MATR3: variants seen among roughly 807,000 people sequenced by gnomAD.
The protein encoded by MATR3 is matrin 3.
MATR3 carries 4 observed loss-of-function variants against 85.5 expected under a neutral mutation model. That is an observed-to-expected ratio of 0.05 (90% CI 0.02 to 0.11). The LOEUF is 0.11. Ranked by LOEUF, MATR3 falls within the 10% of genes least tolerant of loss-of-function variation. The pLI is 1.00. For synonymous variants in MATR3, 336 were observed against 343.1 expected (o/e 0.98, Z 0.23); for missense variants, 685 against 1,016.1 (o/e 0.67, Z 4.43).
chr5:139,310,425 C>A (rs567188289), intron 2 of MATR3: 4 of 152,228 alleles, frequency 2.6e-5, no homozygotes, highest in Admixed American at 2.0e-4. Flanking sequence ...TTTCTAGTTG[C>A]TTTACTATGT....
At chr5:139,277,905 T>G (rs1753352474) in intron 2 of MATR3, among the ~76,000 whole-genome samples, 1 of 152,002 alleles carries the variant, frequency 6.6e-6, no homozygotes, top group Admixed American at 6.6e-5. Context: ...TATTTTGTTG[T>G]GGTGAAAACA....
At chr5:139,301,539 T>C (rs899880016) in intron 1 of MATR3, among the ~76,000 whole-genome samples, 9 of 152,140 alleles carry the variant, frequency 5.9e-5, no homozygotes, top group Non-Finnish European at 1.3e-4. Context: ...CAGGCTGGTC[T>C]CGGACTCCTG....
chr5:139,319,859 G>C (rs961510510), intron 9 of MATR3, among the ~76,000 whole-genome samples: 3 of 26,282 alleles, frequency 1.1e-4, no homozygotes, highest in African/African-American at 4.4e-4. Flanking sequence ...AAAAAAATTT[G>C]CTTTTTTTTT....
intron 14 of MATR3, among the ~76,000 whole-genome samples, chr5:139,327,705 G>A (rs1755929329): frequency 6.6e-6 from 1 of 152,130 alleles, no homozygotes; most frequent in Non-Finnish European, 1.5e-5. Flanking sequence ...ACAGGCCTGA[G>A]CCATAGTGCC....
At chr5:139,328,439 G>T (rs7714038) in intron 14 of MATR3, among the ~76,000 whole-genome samples, 1 of 152,084 alleles carries the variant, frequency 6.6e-6, no homozygotes, top group African/African-American at 2.4e-5. Context: ...ACTTTCATTA[G>T]TGTCTTAATG....
At chr5:139,324,407 C>T (rs2152017579) in intron 12 of MATR3, among the ~76,000 whole-genome samples, 1 of 151,052 alleles carries the variant, frequency 6.6e-6, no homozygotes, top group South Asian at 2.1e-4. Flanking sequence ...TCTGCTGCCT[C>T]AGCCTCCCAA....
At chr5:139,282,477 A>AT (rs1561919815) in intron 3 of MATR3, among the ~76,000 whole-genome samples, 1 of 152,166 alleles carries the variant, frequency 6.6e-6, no homozygotes, top group Non-Finnish European at 1.5e-5. Flanking sequence ...CTTAAGGGTG[A>AT]TATACTCATT....
At chr5:139,280,813 A>G (rs1455896758) in intron 3 of MATR3, 6 of 146,302 alleles carry the variant, frequency 4.1e-5, no homozygotes, top group Non-Finnish European at 7.5e-5. Flanking sequence ...ACGTTCCTAT[A>G]TTGCTACTTG....
intron 14 of MATR3, among the ~76,000 whole-genome samples, chr5:139,326,854 G>A (rs927630695): frequency 2.6e-5 from 4 of 152,274 alleles, no homozygotes; most frequent in Middle Eastern, 3.4e-3. Context: ...ACTTATTCAA[G>A]TATTCTCAGA....
upstream of MATR3, among the ~76,000 whole-genome samples, chr5:139,289,741 C>A (rs375932324): frequency 7.9e-5 from 12 of 152,318 alleles, no homozygotes; most frequent in East Asian, 2.1e-3. Flanking sequence ...GTGCTGAAGT[C>A]CCTCACGTAG....
At chr5:139,280,236 A>G (rs1753465379) in intron 3 of MATR3, among the ~76,000 whole-genome samples, 1 of 152,246 alleles carries the variant, frequency 6.6e-6, no homozygotes, top group Admixed American at 6.5e-5. Flanking sequence ...ATTGTTTTCA[A>G]TGATTTACAA....
intron 3 of MATR3, 148 bp downstream of exon 3, chr5:139,314,884 A>G (rs1755164287): frequency 1.4e-6 from 1 of 706,992 alleles, no homozygotes; most frequent in Admixed American, 2.2e-5. Flanking sequence ...TACAAGTAAA[A>G]TGTTTAGATC....
Position 139,311,750 on chromosome 5 carries a change from C to CTTTTTTTTTTTTTTTTTTT in MATR3, c.913-2908_913-2890dup, listed in dbSNP as rs552172719. ...TTAATTGGTATTTGTTTAATTAATC[C>CTTTTTTTTTTTTTTTTTTT]TTTTTTTTTTTTTTTTTTTTTTTTT... On this transcript the variant is annotated intron_variant, in intron 2 of 14. Coordinates refer to ENST00000394805, the MANE Select transcript of MATR3 (RefSeq NM_018834.6). 10 of 65,234 alleles carry CTTTTTTTTTTTTTTTTTTT rather than the reference C, an allele frequency of 1.5e-4. 1 individual carries two copies. The highest frequency in any genetic ancestry group is 2.6e-4 in the African/African-American group (4 of 15,360). 4.0% of individuals were successfully genotyped at this position (65,234 alleles called of 1,614,324 possible). A position where few individuals can be genotyped will look rare whatever the true frequency, so the allele number is the denominator to read the frequency against.
At chr5:139,326,988 T>C (rs1755884613) in intron 14 of MATR3, among the ~76,000 whole-genome samples, 3 of 152,156 alleles carry the variant, frequency 2.0e-5, no homozygotes. Flanking sequence ...TTCAGTTATT[T>C]TTATGACCAA....
chr5:139,324,296 T>TG (rs1755731375), intron 12 of MATR3, among the ~76,000 whole-genome samples: 1 of 146,122 alleles, frequency 6.8e-6, no homozygotes, highest in Non-Finnish European at 1.5e-5. Context: ...GATTGTTTTT[T>TG]TTTTTTTTTT....
chr5:139,287,416 C>T (rs1049404401), intron 3 of MATR3, among the ~76,000 whole-genome samples: 4 of 152,116 alleles, frequency 2.6e-5, no homozygotes, highest in South Asian at 2.1e-4. Context: ...GTCAGGAGTT[C>T]GAGACCAGCC....
At position 139,279,233 on chromosome 5, in the gene MATR3, CT is replaced by C. The variant is rs1017481093; in HGVS notation, c.-178+112del. ...GTGAAAAATTATGTAGAGTATCAGA[CT>C]TTTTTTTGGGGGGGGACGGAGTCTT... On this transcript the variant is annotated intron_variant, in intron 3 of 16. Transcript: ENST00000509990. The C allele has an allele frequency of 6.3e-5, 28 of 444,742 alleles. 1 individual carries two copies. The highest frequency in any genetic ancestry group is 4.3e-4 in the Admixed American group (18 of 41,698). 27.5% of individuals were successfully genotyped at this position (444,742 alleles called of 1,614,324 possible).
chr5:139,316,196 T>C lies in MATR3; in HGVS notation c.1129+8T>C, dbSNP rs1192691466. 2 of 1,547,980 alleles carry C rather than the reference T, an allele frequency of 1.3e-6. No individual in the cohort carries two copies. Among genetic ancestry groups the C allele is most frequent in the East Asian group, 2.2e-5 (1 of 44,712 alleles). ...GACCAAGAGGAAATCTGGGTAATTA[T>C]ATAAAATTCATGTTACTTTTCCCTA... On this transcript the variant is annotated splice_region_variant and intron_variant, in intron 5 of 14. Transcript: ENST00000394805.
intron 1 of MATR3, among the ~76,000 whole-genome samples, chr5:139,301,427 C>T (rs1754434517): frequency 6.6e-6 from 1 of 152,074 alleles, no homozygotes; most frequent in South Asian, 2.1e-4. Context: ...TCAAGAGATT[C>T]TCCTGCCTCA....
Sources: allele counts gnomAD v4.1 joint callset (sites outside exome capture counted in the v4.1 genomes callset), GRCh38; gene constraint gnomAD v4.1.1; transcripts MANE v1.5; gene names NCBI Gene and HGNC (gene_info 2026-07-23, HGNC 2026-07-21).